PRR33: variants seen among roughly 807,000 people sequenced by gnomAD.
PRR33 encodes proline rich 33, also known as proline-rich protein 33.
Under a neutral mutation model 0.5 loss-of-function variants are expected in PRR33, and 1 was observed. The observed-to-expected ratio is 2.18, with a 90% CI of 0.77 to 10.34. PRR33 has a LOEUF of 10.34. Among genes scored for constraint, PRR33 ranks in the 30% most tolerant of loss-of-function variants. PRR33 has a pLI of 0.13. For missense variants in PRR33, 552 were observed against 251.8 expected (o/e 2.19, Z -8.07); for synonymous variants, 226 against 110.0 (o/e 2.06, Z -6.60).
the PRR33 span, among the ~76,000 whole-genome samples, chr11:1,908,835 G>C: frequency 6.6e-6 from 1 of 152,312 alleles, no homozygotes; most frequent in Non-Finnish European, 1.5e-5. Flanking sequence ...GGTAAAAGCA[G>C]GCATCCTTCT....
At chr11:1,906,887 C>T in the PRR33 span, among the ~76,000 whole-genome samples, 2 of 152,246 alleles carry the variant, frequency 1.3e-5, no homozygotes, top group Non-Finnish European at 2.9e-5. Context: ...CTCTGGGCAG[C>T]TCTCTGAGCT....
upstream of PRR33, among the ~76,000 whole-genome samples, chr11:1,892,821 T>C (rs561679676): frequency 7.4e-5 from 11 of 147,894 alleles, no homozygotes; most frequent in Admixed American, 3.4e-4. Context: ...GACGAATGGA[T>C]AGATGATCAG....
the PRR33 span, among the ~76,000 whole-genome samples, chr11:1,905,423 G>A: frequency 6.2e-5 from 9 of 144,376 alleles, no homozygotes; most frequent in East Asian, 1.4e-3. Flanking sequence ...CACCGCGCCC[G>A]GCCTTCTCTC....
the PRR33 span, among the ~76,000 whole-genome samples, chr11:1,913,628 A>G: frequency 6.6e-6 from 1 of 152,142 alleles, no homozygotes; most frequent in Non-Finnish European, 1.5e-5. Flanking sequence ...CCCTTGCTGA[A>G]AGGGCCGCCT....
chr11:1,890,433 A>G (rs1241028828), exon 1 of PRR33: 2 of 717,014 alleles, frequency 2.8e-6, no homozygotes, highest in African/African-American at 3.5e-5. Context: ...TGTGCCTCCC[A>G]TCATCTTCTT....
upstream of PRR33, among the ~76,000 whole-genome samples, chr11:1,893,437 C>A (rs1849073760): frequency 7.7e-6 from 1 of 130,224 alleles, no homozygotes; most frequent in Non-Finnish European, 1.8e-5. Context: ...GGCTGGCTGG[C>A]TGGCTGGCTG....
chr11:1,902,365 G>T, the PRR33 span, among the ~76,000 whole-genome samples: 26 of 152,140 alleles, frequency 1.7e-4, no homozygotes, highest in Non-Finnish European at 3.5e-4. Context: ...GCAAAGAAAG[G>T]CTTCCCTCGG....
the PRR33 span, among the ~76,000 whole-genome samples, chr11:1,912,808 T>C: frequency 2.0e-5 from 3 of 152,108 alleles, no homozygotes; most frequent in Non-Finnish European, 4.4e-5. Context: ...GTTTTTGCCA[T>C]GTTGCCCAGA....
the PRR33 span, chr11:1,889,594 TG>T: frequency 9.8e-6 from 6 of 612,104 alleles, no homozygotes; most frequent in Non-Finnish European, 3.0e-6. Context: ...GGTGCAACTT[TG>T]GGGACAGGGC....
chr11:1,907,726 T>G, the PRR33 span: 2 of 152,010 alleles, frequency 1.3e-5, no homozygotes, highest in Middle Eastern at 6.8e-3. Flanking sequence ...TAGCTTTATT[T>G]TTAACCATTT....
chr11:1,890,398 G>A (rs763960222), exon 1 of PRR33: 26 of 716,990 alleles, frequency 3.6e-5, no homozygotes, highest in African/African-American at 1.2e-4. Context: ...AGGGAGGTGC[G>A]GAAGGCCCTG....
chr11:1,891,776 C>T (rs1274192271), exon 1 of PRR33: 1 of 152,586 alleles, frequency 6.6e-6, no homozygotes. Flanking sequence ...GTTCCAGCTT[C>T]CTGGGTCTGC....
At chr11:1,896,919 A>C in the PRR33 span, among the ~76,000 whole-genome samples, 1 of 152,240 alleles carries the variant, frequency 6.6e-6, no homozygotes, top group South Asian at 2.1e-4. Context: ...AATTTAACAG[A>C]GTTTAATTAA....
At chr11:1,898,198 T>C in the PRR33 span, among the ~76,000 whole-genome samples, 1 of 152,154 alleles carries the variant, frequency 6.6e-6, no homozygotes, top group Admixed American at 6.5e-5. Flanking sequence ...ACCATAGCCT[T>C]TGGAGTAGAA....
At chr11:1,896,025 T>C (rs559654626), upstream of PRR33, among the ~76,000 whole-genome samples, 10 of 152,322 alleles carry the variant, frequency 6.6e-5, no homozygotes, top group African/African-American at 2.2e-4. Flanking sequence ...GTCATCAGTC[T>C]GTGTGTGTAA....
upstream of PRR33, among the ~76,000 whole-genome samples, chr11:1,895,899 T>C (rs897698414): frequency 6.6e-6 from 1 of 152,172 alleles, no homozygotes; most frequent in Admixed American, 6.5e-5. Flanking sequence ...TCCCAGCTAC[T>C]TGGGCGGCTG....
upstream of PRR33, among the ~76,000 whole-genome samples, chr11:1,896,523 T>C (rs1013996058): frequency 6.6e-6 from 1 of 152,210 alleles, no homozygotes; most frequent in African/African-American, 2.4e-5. Flanking sequence ...TCTCACTGAG[T>C]AGTTCTTGCA....
the PRR33 span, among the ~76,000 whole-genome samples, chr11:1,915,549 TG>T: frequency 1.1e-5 from 1 of 93,970 alleles, no homozygotes; most frequent in Non-Finnish European, 2.1e-5. Flanking sequence ...GTGTGTGTTG[TG>T]GGGGGTGATG....
At chr11:1,905,995 T>A in the PRR33 span, among the ~76,000 whole-genome samples, 1 of 151,192 alleles carries the variant, frequency 6.6e-6, no homozygotes, top group African/African-American at 2.4e-5. Flanking sequence ...AAGTATTTTT[T>A]TTTTTTTTTT....
Sources: allele counts gnomAD v4.1 joint callset (sites outside exome capture counted in the v4.1 genomes callset), GRCh38; gene constraint gnomAD v4.1.1; transcripts MANE v1.5; gene names NCBI Gene and HGNC (gene_info 2026-07-23, HGNC 2026-07-21).